PRKCE: variants seen among roughly 807,000 people sequenced by gnomAD.
PRKCE encodes the protein protein kinase C epsilon.
In PRKCE, 16 loss-of-function variants were observed where a neutral mutation model predicts 85.4. That is an observed-to-expected ratio of 0.19 (90% CI 0.13 to 0.28). The LOEUF (loss-of-function observed/expected upper bound fraction) is 0.28. Among genes scored for constraint, PRKCE ranks in the 10% least tolerant of loss-of-function variants. The pLI is 1.00. For synonymous variants in PRKCE, 388 were observed against 371.5 expected (o/e 1.04, Z -0.51); for missense variants, 573 against 975.2 (o/e 0.59, Z 5.49).
intron 1 of PRKCE, among the ~76,000 whole-genome samples, chr2:45,737,134 G>A (rs1350614122): frequency 1.3e-5 from 2 of 152,204 alleles, no homozygotes; most frequent in African/African-American, 4.8e-5. Flanking sequence ...TCTCTCCAAG[G>A]AAGTGTGGTT....
At chr2:46,017,873 C>T (rs1706299022) in intron 10 of PRKCE, among the ~76,000 whole-genome samples, 1 of 152,174 alleles carries the variant, frequency 6.6e-6, no homozygotes, top group African/African-American at 2.4e-5. Flanking sequence ...CAACAGAACC[C>T]AGATTGGAAT....
intron 7 of PRKCE, among the ~76,000 whole-genome samples, chr2:46,002,848 C>A (rs530522113): frequency 2.0e-5 from 3 of 152,286 alleles, no homozygotes; most frequent in South Asian, 4.1e-4. Context: ...TAGAGAGAAC[C>A]CTTTTCAGGA....
At chr2:46,081,414 G>T (rs981282063) in intron 10 of PRKCE, among the ~76,000 whole-genome samples, 34 of 152,234 alleles carry the variant, frequency 2.2e-4, no homozygotes, top group African/African-American at 8.2e-4. Flanking sequence ...TTAAAAAACA[G>T]CAAGCCAGAG....
intron 2 of PRKCE, among the ~76,000 whole-genome samples, chr2:45,865,653 C>T (rs1254740076): frequency 6.6e-6 from 1 of 152,140 alleles, no homozygotes; most frequent in East Asian, 1.9e-4. Context: ...ATTCAGCCTG[C>T]TTGCCTTTCC....
chr2:46,030,956 A>G (rs1320033130), intron 10 of PRKCE, among the ~76,000 whole-genome samples: 1 of 152,182 alleles, frequency 6.6e-6, no homozygotes, highest in Non-Finnish European at 1.5e-5. Context: ...GGTCCTGTAT[A>G]CATCATTTGT....
chr2:45,670,607 A>T (rs1318739638), intron 1 of PRKCE, among the ~76,000 whole-genome samples: 3 of 152,218 alleles, frequency 2.0e-5, no homozygotes, highest in Non-Finnish European at 4.4e-5. Context: ...TTTCTCATTC[A>T]ATCTAATTTT....
chr2:45,756,048 G>A (rs890662202), intron 1 of PRKCE, among the ~76,000 whole-genome samples: 12 of 152,172 alleles, frequency 7.9e-5, no homozygotes, highest in South Asian at 6.2e-4. Flanking sequence ...GCTTCTGGGC[G>A]TTTACTAGAC....
At chr2:46,119,064 C>T (rs1162108496) in intron 11 of PRKCE, among the ~76,000 whole-genome samples, 1 of 152,102 alleles carries the variant, frequency 6.6e-6, no homozygotes, top group Non-Finnish European at 1.5e-5. Flanking sequence ...TCCTTGGAAC[C>T]ATGGAGTCAA....
intron 1 of PRKCE, among the ~76,000 whole-genome samples, chr2:45,705,333 A>C (rs973760925): frequency 6.6e-6 from 1 of 152,232 alleles, no homozygotes; most frequent in Non-Finnish European, 1.5e-5. Flanking sequence ...AATTTGGCTC[A>C]GACTTTCCAA....
chr2:45,938,391 A>G (rs1699631040), intron 2 of PRKCE, among the ~76,000 whole-genome samples: 1 of 152,192 alleles, frequency 6.6e-6, no homozygotes, highest in Non-Finnish European at 1.5e-5. Flanking sequence ...GACACTATAC[A>G]TAATTACTCT....
chr2:46,061,791 A>C (rs1667143252), intron 10 of PRKCE, among the ~76,000 whole-genome samples: 1 of 151,428 alleles, frequency 6.6e-6, no homozygotes. Flanking sequence ...AGACCCATTC[A>C]GCATCTCGCT....
chr2:45,713,969 A>C (rs1236993954), intron 1 of PRKCE, among the ~76,000 whole-genome samples: 1 of 152,246 alleles, frequency 6.6e-6, no homozygotes, highest in Non-Finnish European at 1.5e-5. Flanking sequence ...CCACACCTCC[A>C]AAAGGGAAGG....
Position 45,722,034 on chromosome 2 carries a change from T to A in PRKCE, c.348+69586T>A, listed in dbSNP as rs1317629877. On this transcript the variant is annotated intron_variant, in intron 1 of 14. Coordinates refer to ENST00000306156, the MANE Select transcript of PRKCE (RefSeq NM_005400.3). ...AAGATTCCAGAGAGTTTCTGTTTAT[T>A]TGGGGTACACCTATCCATATTTATC... is the stretch of plus-strand genomic sequence containing the variant. 3.9e-5 allele frequency among the ~76,000 whole-genome samples: 6 copies of A among 152,118 alleles called. No individual in the cohort carries two copies. In the East Asian group the frequency reaches 1.2e-3, roughly 29 times the overall value.
intron 2 of PRKCE, among the ~76,000 whole-genome samples, chr2:45,886,369 C>T (rs891132320): frequency 2.0e-5 from 3 of 152,164 alleles, no homozygotes; most frequent in Non-Finnish European, 2.9e-5. Context: ...TGCCCATGAC[C>T]GTCTGGCTAT....
chr2:45,991,571 T>C (rs1703801824), intron 6 of PRKCE, among the ~76,000 whole-genome samples: 1 of 152,248 alleles, frequency 6.6e-6, no homozygotes, highest in Non-Finnish European at 1.5e-5. Context: ...GTTCCGTAGA[T>C]TGTTTAAAAT....
In PRKCE at chr2:46,041,129, T is replaced by G. The variant is rs571558074; in HGVS notation, c.1437+30612T>G. Among the ~76,000 whole-genome samples the G allele has an allele frequency of 5.9e-5, 9 of 152,356 alleles. No individual in the cohort carries two copies. Among genetic ancestry groups the G allele is most frequent in the African/African-American group, 2.2e-4 (9 of 41,590 alleles). ...AAGTAGGTTTGGATTCGGCAGGTCT[T>G]CAAGTTCACAGCAGGGATGCAGTCT... On this transcript the variant is annotated intron_variant, in intron 10 of 14. Transcript: ENST00000306156. This position sits in a 1 kb window ranked among gnomAD's most constrained non-coding sequence, Gnocchi z 5.5.
chr2:46,159,586 C>T lies in PRKCE; in HGVS notation c.1921-20C>T. The T allele has an allele frequency of 6.3e-7, 1 of 1,577,630 alleles. No individual in the cohort carries two copies. The highest frequency in any genetic ancestry group is 8.6e-7 in the Non-Finnish European group (1 of 1,168,712). On this transcript the variant is annotated intron_variant, in intron 13 of 14. Transcript: ENST00000306156. This position sits in a 1 kb window ranked among gnomAD's most constrained non-coding sequence, Gnocchi z 4.1. ...GCCAGGCCTTTGTCACTAATTCCGA[C>T]TCTGTCCTCATCCCTGCAGTTCATG...
rs967863910 is a variant in PRKCE at position 45,782,431 on chromosome 2, T to C, written c.349-60569T>C. On this transcript the variant is annotated intron_variant, in intron 1 of 14. Transcript: ENST00000306156. ...GATTCTGATCCTCCATTTCCTTATC[T>C]TTAAAATAGGCCGAGAGTCCCCATC... Among the ~76,000 whole-genome samples the C allele has an allele frequency of 3.3e-5, 5 of 152,256 alleles. No individual in the cohort carries two copies. The East Asian group carries it at 9.7e-4, about 29-fold the overall frequency.
At chr2:45,834,490 C>T (rs1452936337) in intron 1 of PRKCE, among the ~76,000 whole-genome samples, 1 of 152,158 alleles carries the variant, frequency 6.6e-6, no homozygotes, top group Non-Finnish European at 1.5e-5. Context: ...TGGTTTGCTC[C>T]TCCTGTCATG....
Sources: gnomAD v4.1 joint callset for allele counts (sites outside exome capture counted in the v4.1 genomes callset) on GRCh38, gnomAD v4.1.1 for gene constraint, Gnocchi (gnomAD v3.1) non-coding constraint, MANE v1.5 for transcripts, NCBI Gene and HGNC (gene_info 2026-07-23, HGNC 2026-07-21) for gene names.